MTIF2: variants seen among roughly 807,000 people sequenced by gnomAD.
MTIF2 encodes translation initiation factor IF-2, mitochondrial.
MTIF2 carries 71 observed loss-of-function variants against 83.5 expected under a neutral mutation model. The ratio of observed to expected loss-of-function variants is 0.85; its 90% confidence interval spans 0.70 to 1.04. MTIF2 has a LOEUF of 1.04. Among genes scored for constraint, MTIF2 ranks in the 50% least tolerant of loss-of-function variants. MTIF2 has a pLI of 0.00. For missense variants in MTIF2, 957 were observed against 846.5 expected (o/e 1.13, Z -1.62); for synonymous variants, 319 against 287.1 (o/e 1.11, Z -1.12).
At chr2:55,259,754 G>A (rs182352510) in intron 5 of MTIF2, among the ~76,000 whole-genome samples, 1 of 152,216 alleles carries the variant, frequency 6.6e-6, no homozygotes, top group Non-Finnish European at 1.5e-5. Context: ...GACCAGCCCG[G>A]CCCACATAGT....
intron 4 of MTIF2, among the ~76,000 whole-genome samples, chr2:55,262,717 ATTT>A (rs1294589919): frequency 1.8e-5 from 1 of 55,480 alleles, no homozygotes; most frequent in Non-Finnish European, 5.4e-5. Context: ...TAATTTTTGT[ATTT>A]TTTTTTTTTG....
chr2:55,239,823 CACAATGTGTT>C (rs1186999684), intron 14 of MTIF2, among the ~76,000 whole-genome samples, 178 bp downstream of exon 14: 2 of 152,166 alleles, frequency 1.3e-5, no homozygotes, highest in Non-Finnish European at 1.5e-5. Flanking sequence ...AAGGCACAGG[CACAATGTGTT>C]ACACAGGGCA....
In MTIF2 at chr2:55,252,514, T is replaced by A. The variant is rs1386212125; in HGVS notation, c.804A>T (p.Gln268His). ...TGGCATGCTGAATAGATTCTACAGT[T>A]TGTTTCATCACTCCATCATCTGCAG... The part of the protein sequence containing the change: ...VVAADDGVMK[Q>H]TVESIQHAKD... Residue 268 changes from glutamine (Q) to histidine (H), a missense_variant, in exon 8 of 16, where the codon CAA (glutamine) becomes CAT (histidine). By Grantham distance (24) the Gln-to-His change is conservative. This residue lies in a region of MTIF2 where 733 missense variants were observed against 648.7 expected (regional missense o/e 1.13). Transcript: ENST00000263629. 2 of 1,614,176 alleles carry A rather than the reference T, an allele frequency of 1.2e-6. No individual in the cohort carries two copies. The highest frequency in any genetic ancestry group is 2.2e-5 in the East Asian group (1 of 44,870).
In MTIF2 at chr2:55,244,332, A is replaced by C. The variant is rs1676539314; in HGVS notation, c.1107-99T>G. Reference sequence around the variant, plus strand: ...TTAAGTTATATAAACATGTGTATACACAAGATTAATTCCACCACTTCTTAA... The same window carrying C: ...TTAAGTTATATAAACATGTGTATACCCAAGATTAATTCCACCACTTCTTAA... On this transcript the variant is annotated intron_variant, in intron 10 of 15. Transcript: ENST00000263629. 5.6e-6 allele frequency: 5 copies of C among 892,836 alleles called. 1 individual carries two copies. The South Asian group carries it at 8.5e-5, about 15-fold the overall frequency. The allele number at this position is 892,836 out of a possible 1,614,324, so 55.3% of individuals were successfully genotyped here.
Position 55,240,006 on chromosome 2 carries a change from C to G in MTIF2, c.1870+5G>C, listed in dbSNP as rs753162543. ...TTTTAAAAGTAACATTCAGTGATCACTCACCTACTGGGTGCTCTTCCACAG... is the reference window on the plus strand; with the variant it reads ...TTTTAAAAGTAACATTCAGTGATCAGTCACCTACTGGGTGCTCTTCCACAG... On this transcript the variant is annotated splice_donor_5th_base_variant and intron_variant, in intron 14 of 15. Transcript: ENST00000263629. The G allele has an allele frequency of 1.3e-6, 2 of 1,598,500 alleles. No homozygotes were observed. The highest frequency in any genetic ancestry group is 2.2e-5 in the South Asian group (2 of 89,354).
rs530169846 is a variant in MTIF2 at position 55,236,806 on chromosome 2, A to G, written c.2026T>C (p.Leu676=). 1.8e-5 allele frequency: 29 copies of G among 1,588,120 alleles called. 1 individual carries two copies. The highest frequency in any genetic ancestry group is 5.8e-5 in the Admixed American group (3 of 51,920). ...HVIWKGSLTS[L]KHHKDDISIV... is the part of the protein sequence containing the mutation. ...GAAATGTCATCTTTATGGTGTTTCA[A>G]TGAGGTTAATGAGCCTTAAAAAAGA... Residue 676 remains leucine, a synonymous_variant, in exon 16 of 16, where the codon TTG becomes CTG. Coordinates refer to ENST00000263629, the MANE Select transcript of MTIF2 (RefSeq NM_002453.3).
chr2:55,244,366 G>T (rs961195262), intron 10 of MTIF2, 133 bp from the exon 11 acceptor site: 11 of 711,028 alleles, frequency 1.5e-5, no homozygotes, highest in Non-Finnish European at 2.5e-5. Flanking sequence ...AACTTAAGCA[G>T]TTTTTCATAC....
intron 14 of MTIF2, among the ~76,000 whole-genome samples, chr2:55,238,288 A>G (rs1424706562): frequency 6.6e-6 from 1 of 151,736 alleles, no homozygotes; most frequent in Non-Finnish European, 1.5e-5. Flanking sequence ...AAGTCCTCGG[A>G]TGACACGCTT....
At chr2:55,258,863 C>G (rs1161268619) in intron 5 of MTIF2, among the ~76,000 whole-genome samples, 1 of 151,540 alleles carries the variant, frequency 6.6e-6, no homozygotes. Context: ...ACCTGTAATC[C>G]CAGCTATTCA....
At position 55,237,201 on chromosome 2, in the gene MTIF2, G is replaced by C. The variant is rs1675903887; in HGVS notation, c.2011+87C>G. 3 of 1,408,164 alleles carry C rather than the reference G, an allele frequency of 2.1e-6. No homozygotes were observed. In the South Asian group the frequency reaches 4.2e-5, roughly 20 times the overall value. 87.2% of individuals were successfully genotyped at this position (1,408,164 alleles called of 1,614,324 possible). On this transcript the variant is annotated intron_variant, in intron 15 of 15. Coordinates refer to ENST00000263629, the MANE Select transcript of MTIF2 (RefSeq NM_002453.3). ...TGGCCTGAGCTGAGATTATGGGCAT[G>C]AAAGATGAACAGATTTCAGATGGTT...
At chr2:55,254,621 C>T (rs749086409) in intron 6 of MTIF2, 33 bp downstream of exon 6, 3 of 1,520,828 alleles carry the variant, frequency 2.0e-6, no homozygotes, top group Non-Finnish European at 2.6e-6. Context: ...TAGTCTCCCC[C>T]AAACCCTGCC....
At chr2:55,237,499 T>C in intron 14 of MTIF2, 71 bp from the exon 15 acceptor site, 1 of 1,460,422 alleles carries the variant, frequency 6.8e-7, no homozygotes, top group African/African-American at 1.4e-5. Context: ...TCTGACATTC[T>C]GTGGTATAAG....
At chr2:55,263,016 C>A (rs1678153385) in intron 4 of MTIF2, among the ~76,000 whole-genome samples, 1 of 152,208 alleles carries the variant, frequency 6.6e-6, no homozygotes, top group Non-Finnish European at 1.5e-5. Flanking sequence ...CGTGAGCCAC[C>A]ACACCTGGCC....
At chr2:55,242,389 T>C (rs538642926) in intron 13 of MTIF2, among the ~76,000 whole-genome samples, 1 of 152,232 alleles carries the variant, frequency 6.6e-6, no homozygotes, top group South Asian at 2.1e-4. Context: ...TGTTCGACTT[T>C]ATTTAACAGT....
chr2:55,244,205 C>T lies in MTIF2; in HGVS notation c.1135G>A (p.Gly379Arg). Residue 379 changes from glycine to arginine, a missense_variant, in exon 11 of 16, where the codon GGA (glycine) becomes AGA (arginine). Around this residue, in one of 3 missense-constraint regions of MTIF2, gnomAD observed 733 missense variants for 648.7 expected, o/e 1.13. Coordinates refer to ENST00000263629, the MANE Select transcript of MTIF2 (RefSeq NM_002453.3). Reference sequence around the variant, plus strand: ...AGAACAGAGCCTTTTCTTAAAGTTCCTCTTTGAATTATAGCTGTAGTAACA... The same window carrying T: ...AGAACAGAGCCTTTTCTTAAAGTTCTTCTTTGAATTATAGCTGTAGTAACA... Reference protein sequence around the residue: ...GLVTTAIIQRGTLRKGSVLVA... With the variant: ...GLVTTAIIQRRTLRKGSVLVA... The T allele has an allele frequency of 6.2e-7, 1 of 1,613,770 alleles. No individual in the cohort carries two copies.
chr2:55,243,158 T>C (rs149837254), intron 12 of MTIF2, 78 bp from the exon 13 acceptor site: 2 of 1,395,576 alleles, frequency 1.4e-6, no homozygotes, highest in African/African-American at 2.9e-5. Flanking sequence ...ATAATCTATT[T>C]AAAGCCATGA....
intron 14 of MTIF2, among the ~76,000 whole-genome samples, chr2:55,237,794 G>A (rs1033172832): frequency 6.6e-6 from 1 of 151,238 alleles, no homozygotes; most frequent in Non-Finnish European, 1.5e-5. Context: ...GGGATTACAG[G>A]CGCCCACAAC....
Position 55,263,722 on chromosome 2 carries a change from G to C in MTIF2, c.137C>G (p.Ala46Gly), listed in dbSNP as rs745469182. ...GFSSAYPVWT[A>G]QLCAWPWPTD... ...TGGCCAGGGCCAGGCACACAGTTGA[G>C]CTGTCCACACAGGGTAAGCAGATGA... The change falls in exon 4 of 16, where the codon GCT (alanine) becomes GGT (glycine). Residue 46 changes from alanine to glycine, a missense_variant. This residue lies in a region of MTIF2 where 733 missense variants were observed against 648.7 expected (regional missense o/e 1.13). Transcript: ENST00000263629. The C allele has an allele frequency of 1.9e-6, 3 of 1,614,150 alleles. No homozygotes were observed. The highest frequency in any genetic ancestry group is 1.7e-4 in the Middle Eastern group (1 of 6,060).
At chr2:55,255,907 G>T (rs186161084) in intron 5 of MTIF2, among the ~76,000 whole-genome samples, 6 of 151,310 alleles carry the variant, frequency 4.0e-5, no homozygotes, top group African/African-American at 9.7e-5. Context: ...ACAGAGTTTC[G>T]CTTTTGTTAC....
Sources: gnomAD v4.1 joint callset for allele counts (sites outside exome capture counted in the v4.1 genomes callset) on GRCh38, gnomAD v4.1.1 for gene constraint, gnomAD v4.1.1 regional missense constraint, MANE v1.5 for transcripts, NCBI Gene and HGNC (gene_info 2026-07-23, HGNC 2026-07-21) for gene names.